The following GALNT13 variants were observed in gnomAD, a reference collection of about 807,000 sequenced individuals.
GALNT13 encodes UDP-GalNAc:polypeptide N-acetylgalactosaminyltransferase 13.
GALNT13 carries 28 observed loss-of-function variants against 64.2 expected under a neutral mutation model. The observed-to-expected ratio is 0.44, with a 90% confidence interval of 0.32 to 0.60. GALNT13 has a LOEUF of 0.60. Among genes scored for constraint, GALNT13 ranks in the 20% least tolerant of loss-of-function variants. The pLI, the probability that GALNT13 is intolerant of heterozygous loss-of-function variation, is 0.05. For missense variants in GALNT13, 577 were observed against 669.8 expected, an observed-to-expected ratio of 0.86 and a Z score of 1.53; for synonymous variants, 214 against 224.6, an observed-to-expected ratio of 0.95 and a Z score of 0.42.
At chr2:153,100,660 A>C in the GALNT13 span, among the ~76,000 whole-genome samples, 1 of 152,212 alleles carries the variant, frequency 6.6e-6, no homozygotes, top group African/African-American at 2.4e-5. Context: ...TAAGTATATA[A>C]ATGTCTTTCT....
the GALNT13 span, among the ~76,000 whole-genome samples, chr2:153,775,661 T>C: frequency 6.6e-6 from 1 of 152,290 alleles, no homozygotes; most frequent in East Asian, 1.9e-4. Flanking sequence ...ACTCAGCTTA[T>C]GTAATTTTAG....
intron 9 of GALNT13, among the ~76,000 whole-genome samples, chr2:154,330,275 A>T (rs1695096255): frequency 6.6e-6 from 1 of 152,132 alleles, no homozygotes; most frequent in African/African-American, 2.4e-5. Flanking sequence ...TAAAGCCTCT[A>T]TTCCTGATTG....
At chr2:153,486,581 A>G in the GALNT13 span, among the ~76,000 whole-genome samples, 3 of 152,112 alleles carry the variant, frequency 2.0e-5, no homozygotes, top group Non-Finnish European at 4.4e-5. Context: ...TAACGTTGTG[A>G]GTAGTAGCCA....
At chr2:153,811,628 T>A in the GALNT13 span, among the ~76,000 whole-genome samples, 1 of 152,196 alleles carries the variant, frequency 6.6e-6, no homozygotes, top group African/African-American at 2.4e-5. Flanking sequence ...CAACATAGAG[T>A]GGCCCATGTG....
chr2:153,277,785 T>C, the GALNT13 span, among the ~76,000 whole-genome samples: 5 of 151,938 alleles, frequency 3.3e-5, no homozygotes, highest in African/African-American at 4.8e-5. Context: ...CTAGTGATGT[T>C]CAGCAGTTTT....
At chr2:153,464,389 C>T in the GALNT13 span, among the ~76,000 whole-genome samples, 208 of 152,162 alleles carry the variant, frequency 1.4e-3, 1 homozygote, top group African/African-American at 4.7e-3. Context: ...AAGACCACAT[C>T]GTCTGTTATT....
intron 4 of GALNT13, among the ~76,000 whole-genome samples, chr2:154,219,621 G>C (rs1392683738): frequency 6.6e-6 from 1 of 152,076 alleles, no homozygotes; most frequent in Non-Finnish European, 1.5e-5. Flanking sequence ...CTTTGTTTAT[G>C]ATGAAGTAAT....
At chr2:154,316,426 T>TAA (rs1418796577) in intron 9 of GALNT13, among the ~76,000 whole-genome samples, 2 of 151,090 alleles carry the variant, frequency 1.3e-5, no homozygotes, top group African/African-American at 4.8e-5. Context: ...AATTTTTTAT[T>TAA]AAAATTAAGG....
chr2:153,818,055 A>G, the GALNT13 span, among the ~76,000 whole-genome samples: 5 of 152,198 alleles, frequency 3.3e-5, no homozygotes, highest in South Asian at 1.0e-3. Flanking sequence ...CAGAGAATGG[A>G]GAGGAATAAA....
chr2:153,644,157 G>T, the GALNT13 span, among the ~76,000 whole-genome samples: 1 of 151,858 alleles, frequency 6.6e-6, no homozygotes, highest in Non-Finnish European at 1.5e-5. Context: ...GGAAACCAAA[G>T]TATCTACAAA....
At chr2:153,846,635 A>C in the GALNT13 span, among the ~76,000 whole-genome samples, 1 of 152,194 alleles carries the variant, frequency 6.6e-6, no homozygotes, top group East Asian at 1.9e-4. Flanking sequence ...GACTCTCATA[A>C]AGATATGAAA....
the GALNT13 span, among the ~76,000 whole-genome samples, chr2:153,626,851 T>A: frequency 2.0e-5 from 3 of 152,090 alleles, no homozygotes; most frequent in African/African-American, 7.2e-5. Flanking sequence ...ATAGCCAATT[T>A]TTGCTGAGCG....
the GALNT13 span, among the ~76,000 whole-genome samples, chr2:153,449,127 C>G: frequency 2.0e-5 from 3 of 152,170 alleles, no homozygotes; most frequent in African/African-American, 2.4e-5. Context: ...TGGCTGTCTA[C>G]AAGCCAGGAA....
At chr2:153,436,132 A>T in the GALNT13 span, among the ~76,000 whole-genome samples, 1 of 152,176 alleles carries the variant, frequency 6.6e-6, no homozygotes, top group South Asian at 2.1e-4. Flanking sequence ...GATTATGTTT[A>T]TTGATATTCG....
chr2:153,425,428 A>G, the GALNT13 span, among the ~76,000 whole-genome samples: 1 of 151,740 alleles, frequency 6.6e-6, no homozygotes, highest in Non-Finnish European at 1.5e-5. Flanking sequence ...ATTTGGTTTC[A>G]GTGAATGTGT....
At chr2:154,396,500 G>A (rs187571648) in intron 10 of GALNT13, among the ~76,000 whole-genome samples, 43 of 152,026 alleles carry the variant, frequency 2.8e-4, no homozygotes, top group Non-Finnish European at 5.0e-4. Context: ...CTAATTAAAC[G>A]TTATATAATA....
At chr2:154,081,522 G>A (rs1277829021) in intron 3 of GALNT13, among the ~76,000 whole-genome samples, 1 of 151,500 alleles carries the variant, frequency 6.6e-6, no homozygotes, top group Non-Finnish European at 1.5e-5. Flanking sequence ...TAGAAAACTG[G>A]GCCATGATGG....
chr2:153,658,056 T>C, the GALNT13 span, among the ~76,000 whole-genome samples: 1 of 152,086 alleles, frequency 6.6e-6, no homozygotes, highest in Non-Finnish European at 1.5e-5. Context: ...TCACCAACAA[T>C]AAGGTCCAAA....
At chr2:153,593,844 C>G in the GALNT13 span, among the ~76,000 whole-genome samples, 1 of 152,146 alleles carries the variant, frequency 6.6e-6, no homozygotes, top group Non-Finnish European at 1.5e-5. Flanking sequence ...TAAGAACTCT[C>G]TTAGGAGCTA....
Sources: gnomAD v4.1 joint callset for allele counts (sites outside exome capture counted in the v4.1 genomes callset) on GRCh38, gnomAD v4.1.1 for gene constraint, MANE v1.5 for transcripts, NCBI Gene and HGNC (gene_info 2026-07-23, HGNC 2026-07-21) for gene names.